Variants in NACC2 observed in about 807,000 individuals in gnomAD.
NACC2 encodes NACC family member 2.
Under a neutral mutation model 25.1 loss-of-function variants are expected in NACC2, and 8 were observed. The ratio of observed to expected loss-of-function variants is 0.32; its 90% CI spans 0.19 to 0.57. NACC2 has a LOEUF of 0.57. Ranked by LOEUF, NACC2 falls within the 20% of genes least tolerant of loss-of-function variation. NACC2 has a pLI of 0.89. For missense variants in NACC2, 644 were observed against 650.2 expected (o/e 0.99, Z 0.10); for synonymous variants, 435 against 294.7 (o/e 1.48, Z -4.88).
intron 1 of NACC2, among the ~76,000 whole-genome samples, chr9:136,076,520 G>A (rs746308207): frequency 2.0e-5 from 3 of 152,146 alleles, no homozygotes; most frequent in Non-Finnish European, 2.9e-5. Context: ...GCAGAACGGA[G>A]GTTTCCAGGG....
chr9:136,009,583 A>C lies in NACC2; in HGVS notation c.*1933T>G, dbSNP rs573156054. On this transcript the variant is annotated 3_prime_UTR_variant, in exon 6 of 6. Coordinates refer to ENST00000277554, the MANE Select transcript of NACC2 (RefSeq NM_144653.5). ...GCAGGCATGTGCTGGGCCTGGCTGG[A>C]GGCAGCCCAGGAGGCTGAGTGCTGT... is the stretch of plus-strand genomic sequence containing the variant. 1 of 152,398 alleles carries C rather than the reference A, an allele frequency of 6.6e-6. No individual in the cohort carries two copies. Among genetic ancestry groups the C allele is most frequent in the African/African-American group, 2.4e-5 (1 of 41,574 alleles). The allele number at this position is 152,398 out of a possible 1,614,324, so 9.4% of individuals were successfully genotyped here.
chr9:136,015,940 G>A (rs576052719), intron 3 of NACC2, among the ~76,000 whole-genome samples: 53 of 152,326 alleles, frequency 3.5e-4, no homozygotes, highest in African/African-American at 1.3e-3. Context: ...ACCCTCAAAG[G>A]CTGCAACTGG....
chr9:136,048,909 C>A (rs1195809194), intron 2 of NACC2, among the ~76,000 whole-genome samples: 1 of 152,248 alleles, frequency 6.6e-6, no homozygotes, highest in Non-Finnish European at 1.5e-5. Context: ...GCACCCGCAC[C>A]CAGGCCCAGG....
intron 2 of NACC2, among the ~76,000 whole-genome samples, chr9:136,024,902 G>A (rs1479944273): frequency 3.3e-5 from 5 of 152,202 alleles, no homozygotes; most frequent in African/African-American, 9.6e-5. Context: ...TGACAGAGCC[G>A]GGAGCCTCGG....
At position 136,011,434 on chromosome 9, in the gene NACC2, T is replaced by C; in HGVS notation, c.*82A>G. 7.9e-7 allele frequency: 1 copy of C among 1,267,688 alleles called. No homozygotes were observed. The highest frequency in any genetic ancestry group is 1.0e-6 in the Non-Finnish European group (1 of 998,468). The allele number at this position is 1,267,688 out of a possible 1,614,324, so 78.5% of individuals were successfully genotyped here. A position where few individuals can be genotyped will look rare whatever the true frequency, so the allele number is the denominator to read the frequency against. On this transcript the variant is annotated 3_prime_UTR_variant, in exon 6 of 6. Transcript: ENST00000277554. ...CAACAGTAGCAGTTCAGTAGGTAAGTGGCTTGATCACATTTGTTTGTATTA... is the reference window on the plus strand; with the variant it reads ...CAACAGTAGCAGTTCAGTAGGTAAGCGGCTTGATCACATTTGTTTGTATTA...
intron 1 of NACC2, among the ~76,000 whole-genome samples, chr9:136,080,985 C>A (rs1317345765): frequency 5.3e-5 from 8 of 152,180 alleles, no homozygotes; most frequent in African/African-American, 1.9e-4. Context: ...CTGTCTCCCA[C>A]CCCAAGCACA....
At chr9:136,024,186 A>AGTGT (rs1276104414) in intron 2 of NACC2, among the ~76,000 whole-genome samples, 1 of 84,274 alleles carries the variant, frequency 1.2e-5, no homozygotes, top group Non-Finnish European at 2.3e-5. Context: ...GTGAGGACGG[A>AGTGT]GTGTGTGTGT....
chr9:136,027,694 G>A (rs1425890247), intron 2 of NACC2, among the ~76,000 whole-genome samples: 5 of 152,164 alleles, frequency 3.3e-5, no homozygotes, highest in Non-Finnish European at 7.3e-5. Context: ...AATCTGACAT[G>A]AAAATGTGTT....
rs148553326 is a variant in NACC2 at position 136,063,818 on chromosome 9, G to A, written c.-59-13238C>T. 4.6e-3 allele frequency among the ~76,000 whole-genome samples: 688 copies of A among 151,202 alleles called. 15 individuals carry two copies. Among genetic ancestry groups the A allele is most frequent in the Admixed American group, 0.032 (492 of 15,174 alleles). ...GAATCACTTGAACCCGAGAGGTGGA[G>A]GTTGCAGTGAGCCGAGATCATACCA... On this transcript the variant is annotated intron_variant, in intron 1 of 5. Coordinates refer to ENST00000277554, the MANE Select transcript of NACC2 (RefSeq NM_144653.5).
At chr9:136,014,803 G>A (rs1329547479) in intron 3 of NACC2, among the ~76,000 whole-genome samples, 3 of 152,192 alleles carry the variant, frequency 2.0e-5, no homozygotes, top group South Asian at 4.1e-4. Flanking sequence ...GGGCAGAGGC[G>A]TGGCCAGAGA....
chr9:136,035,044 A>T (rs1046369007), intron 2 of NACC2, among the ~76,000 whole-genome samples: 1 of 152,166 alleles, frequency 6.6e-6, no homozygotes, highest in African/African-American at 2.4e-5. Flanking sequence ...CAGTGAGCTG[A>T]TATCACGCCA....
chr9:136,054,009 A>G (rs1840886866), intron 1 of NACC2, among the ~76,000 whole-genome samples: 1 of 152,188 alleles, frequency 6.6e-6, no homozygotes, highest in African/African-American at 2.4e-5. Flanking sequence ...CTGTAAGGAC[A>G]CCTCAGCCTC....
chr9:136,044,123 C>G (rs1356826348), intron 2 of NACC2, among the ~76,000 whole-genome samples: 1 of 152,096 alleles, frequency 6.6e-6, no homozygotes, highest in Non-Finnish European at 1.5e-5. Context: ...CCACGCCTGG[C>G]CAATACAAAT....
At chr9:136,012,971 C>A (rs1190256481) in intron 5 of NACC2, among the ~76,000 whole-genome samples, 1 of 152,258 alleles carries the variant, frequency 6.6e-6, no homozygotes, top group Admixed American at 6.5e-5. Context: ...AGTTTCGCAG[C>A]TGAATTCATC....
At chr9:136,025,630 G>T (rs541028875) in intron 2 of NACC2, among the ~76,000 whole-genome samples, 1 of 149,442 alleles carries the variant, frequency 6.7e-6, no homozygotes, top group Admixed American at 6.7e-5. Context: ...AAAAAAAAAC[G>T]CAGCCGGGCG....
intron 1 of NACC2, among the ~76,000 whole-genome samples, chr9:136,075,140 A>T (rs901016512): frequency 2.0e-5 from 3 of 152,250 alleles, no homozygotes; most frequent in Admixed American, 6.5e-5. Flanking sequence ...GCGGCAGGCC[A>T]GGAAGTGGGG....
chr9:136,066,112 G>A (rs919498819), intron 1 of NACC2, among the ~76,000 whole-genome samples: 3 of 151,110 alleles, frequency 2.0e-5, no homozygotes, highest in Admixed American at 2.0e-4. Context: ...AGAATCACCT[G>A]AGCCCGGGAG....
chr9:136,091,632 G>A (rs953333078), intron 1 of NACC2, among the ~76,000 whole-genome samples: 1 of 152,204 alleles, frequency 6.6e-6, no homozygotes, highest in Admixed American at 6.5e-5. Flanking sequence ...GCTCTGCTGA[G>A]ACCCTATACA....
At position 136,011,969 on chromosome 9, in the gene NACC2, G is replaced by A. The variant is rs1220005390; in HGVS notation, c.1311C>T (p.Ala437=). Residue 437 remains alanine (A), a synonymous_variant, in exon 6 of 6, where the codon GCC becomes GCT. Transcript: ENST00000277554. The part of the protein sequence containing the change: ...SFKESEMNVI[A]ADMCTNARRV... ...GGCGGGCGTTGGTGCACATGTCCGC[G>A]GCGATCACGTTCATCTCGCTCTCCT... The A allele has an allele frequency of 4.4e-6, 7 of 1,606,374 alleles. No homozygotes were observed. Among genetic ancestry groups the A allele is most frequent in the Non-Finnish European group, 4.2e-6 (5 of 1,177,956 alleles).
Sources: gnomAD v4.1 joint callset for allele counts (sites outside exome capture counted in the v4.1 genomes callset) on GRCh38, gnomAD v4.1.1 for gene constraint, MANE v1.5 for transcripts, NCBI Gene and HGNC (gene_info 2026-07-23, HGNC 2026-07-21) for gene names.